The following CD59 variants were observed in gnomAD, a reference collection of about 807,000 sequenced individuals.
CD59 encodes CD59 molecule (CD59 blood group).
Under a neutral mutation model 7.0 loss-of-function variants are expected in CD59, and 3 were observed. That is an observed-to-expected ratio of 0.43 (90% confidence interval 0.19 to 1.10). The LOEUF is 1.10. Ranked by LOEUF, CD59 falls within the 50% of genes least tolerant of loss-of-function variation. The pLI is 0.29. For synonymous variants in CD59, 60 were observed against 62.0 expected (o/e 0.97, Z 0.15); for missense variants, 143 against 151.0 (o/e 0.95, Z 0.28).
intron 1 of CD59, among the ~76,000 whole-genome samples, chr11:33,734,275 AG>A (rs1309874025): frequency 8.5e-5 from 13 of 152,364 alleles, no homozygotes; most frequent in African/African-American, 3.1e-4. Flanking sequence ...AATCCAGCCA[AG>A]GTTCTCATGC....
intron 3 of CD59, 42 bp downstream of exon 3, chr11:33,717,327 AT>A (rs761949716): frequency 7.7e-7 from 1 of 1,296,144 alleles, no homozygotes; most frequent in Non-Finnish European, 1.1e-6. Flanking sequence ...CCAGGCACTT[AT>A]TACCCCATTA....
At chr11:33,735,927 A>AT (rs1343473082) in intron 1 of CD59, among the ~76,000 whole-genome samples, 1 of 149,494 alleles carries the variant, frequency 6.7e-6, no homozygotes, top group Non-Finnish European at 1.5e-5. Context: ...AAAAAAAAAA[A>AT]GTCCGTTTCG....
At chr11:33,716,617 G>A (rs1853803603) in intron 3 of CD59, among the ~76,000 whole-genome samples, 1 of 152,200 alleles carries the variant, frequency 6.6e-6, no homozygotes, top group Non-Finnish European at 1.5e-5. Context: ...TCTTTCCTCT[G>A]TCTACCACTT....
At chr11:33,735,976 G>A (rs1320660934) in intron 1 of CD59, among the ~76,000 whole-genome samples, 1 of 152,034 alleles carries the variant, frequency 6.6e-6, no homozygotes, top group East Asian at 1.9e-4. Context: ...TTTAGACCGC[G>A]AGGGGAGAGA....
At position 33,736,223 on chromosome 11, in the gene CD59, C is replaced by T. The variant is rs1854570837; in HGVS notation, c.-19+159G>A. Reference sequence around the variant, plus strand: ...CGGCTAGGACACCGGGCCGCGGTGACGGGTTGGAAGGGCCAGGCCTCGGGA... The same window carrying T: ...CGGCTAGGACACCGGGCCGCGGTGATGGGTTGGAAGGGCCAGGCCTCGGGA... On this transcript the variant is annotated intron_variant, in intron 1 of 3. Transcript: ENST00000642928. This position sits in a 1 kb window ranked among gnomAD's most constrained non-coding sequence, Gnocchi z 4.4. 6.6e-6 allele frequency among the ~76,000 whole-genome samples: 1 copy of T among 152,150 alleles called. No homozygotes were observed. The highest frequency in any genetic ancestry group is 6.5e-5 in the Admixed American group (1 of 15,282).
chr11:33,728,538 T>G (rs900397625), intron 1 of CD59, among the ~76,000 whole-genome samples: 1 of 152,196 alleles, frequency 6.6e-6, no homozygotes, highest in Non-Finnish European at 1.5e-5. Context: ...GATTAAAGAC[T>G]TAAATGTAAG....
chr11:33,714,150 T>C (rs117794834), intron 3 of CD59, among the ~76,000 whole-genome samples: 2,397 of 152,324 alleles, frequency 0.016, 37 homozygotes, highest in Non-Finnish European at 0.024. Flanking sequence ...TAGACTTACT[T>C]TGTATAGCAC....
chr11:33,728,744 A>C (rs1854329928), intron 1 of CD59, among the ~76,000 whole-genome samples: 1 of 152,242 alleles, frequency 6.6e-6, no homozygotes, highest in South Asian at 2.1e-4. Context: ...AACCTAAAGA[A>C]TGGGAGAAAA....
chr11:33,726,959 C>T (rs1854277741), intron 1 of CD59, among the ~76,000 whole-genome samples: 1 of 152,142 alleles, frequency 6.6e-6, no homozygotes, highest in South Asian at 2.1e-4. Context: ...ATACACCCTC[C>T]CAAGACTAAA....
intron 3 of CD59, among the ~76,000 whole-genome samples, chr11:33,711,054 G>T (rs966807701): frequency 9.2e-5 from 5 of 54,202 alleles, no homozygotes; most frequent in African/African-American, 5.0e-4. Flanking sequence ...AATAAAGGTG[G>T]GGGGGGGGCA....
rs1295127477 is a variant in CD59, at chr11:33,703,487, C to G, written c.*6639G>C. On this transcript the variant is annotated 3_prime_UTR_variant, in exon 4 of 4. Transcript: ENST00000642928. ...ACTCAAATGCCCCATTAAGTACCAT[C>G]CTGTTGGAGCTTCCTAACGCCCCTG... The G allele has an allele frequency of 2.6e-5, 4 of 152,246 alleles. No individual in the cohort carries two copies. The highest frequency in any genetic ancestry group is 9.6e-5 in the African/African-American group (4 of 41,454). The allele number at this position is 152,246 out of a possible 1,614,324, so 9.4% of individuals were successfully genotyped here. A position where few individuals can be genotyped will look rare whatever the true frequency, so the allele number is the denominator to read the frequency against.
intron 1 of CD59, among the ~76,000 whole-genome samples, chr11:33,732,036 T>C (rs1483969335): frequency 1.3e-5 from 2 of 152,166 alleles, no homozygotes. Context: ...GTTTCCCCTT[T>C]CACTTGGCTC....
rs1162135965 is a variant in CD59 at position 33,710,125 on chromosome 11, C to T, written c.*1G>A. The T allele has an allele frequency of 1.2e-6, 2 of 1,610,662 alleles. No homozygotes were observed. Among genetic ancestry groups the T allele is most frequent in the Non-Finnish European group, 1.7e-6 (2 of 1,177,908 alleles). On this transcript the variant is annotated 3_prime_UTR_variant, in exon 4 of 4. Transcript: ENST00000642928. ...TTGGGAGAAGCTCTCCTGGTGTTGACTTAGGGATGAAGGCTCCAGGCTGCT... is the reference window on the plus strand; with the variant it reads ...TTGGGAGAAGCTCTCCTGGTGTTGATTTAGGGATGAAGGCTCCAGGCTGCT...
In CD59 at chr11:33,717,465, C is replaced by T. The variant is rs547970318; in HGVS notation, c.74G>A (p.Ser25Asn). 1.2e-5 allele frequency: 20 copies of T among 1,602,370 alleles called. No homozygotes were observed. The South Asian group carries it at 1.8e-4, about 14-fold the overall frequency. ...GTTAGGACAGTTGTAGCACTGCAGGCTATGACCTAGAATCAGGAAGAAAGT... is the reference window on the plus strand; with the variant it reads ...GTTAGGACAGTTGTAGCACTGCAGGTTATGACCTAGAATCAGGAAGAAAGT... Reference protein sequence around the residue: ...VLAVFCHSGHSLQCYNCPNPT... With the variant: ...VLAVFCHSGHNLQCYNCPNPT... Residue 25 changes from serine to asparagine, a missense_variant, in exon 3 of 4, where the codon AGC becomes AAC. Transcript: ENST00000642928.
rs1220199912 is a variant in CD59, at chr11:33,707,090, T to C, written c.*3036A>G. ...ATATAAAACATAGAGCTTAGAATCCTGTACCAGAAAGCTGCCCTCATCACA... is the reference window on the plus strand; with the variant it reads ...ATATAAAACATAGAGCTTAGAATCCCGTACCAGAAAGCTGCCCTCATCACA... On this transcript the variant is annotated 3_prime_UTR_variant, in exon 4 of 4. Transcript: ENST00000642928. 2.6e-5 allele frequency: 4 copies of C among 152,252 alleles called. No individual in the cohort carries two copies. The highest frequency in any genetic ancestry group is 5.9e-5 in the Non-Finnish European group (4 of 68,050). The allele number at this position is 152,252 out of a possible 1,614,324, so 9.4% of individuals were successfully genotyped here. A position where few individuals can be genotyped will look rare whatever the true frequency, so the allele number is the denominator to read the frequency against.
intron 3 of CD59, chr11:33,711,613 G>A: frequency 1.8e-6 from 1 of 555,130 alleles, no homozygotes. Context: ...GGACTTTAAG[G>A]CTGCAGTGAG....
intron 1 of CD59, chr11:33,731,475 C>T (rs2231454): frequency 0.12 from 17,787 of 152,030 alleles, 1,374 homozygotes; most frequent in African/African-American, 0.21. Flanking sequence ...AAGACTAGGA[C>T]GAAAATAAAA....
intron 1 of CD59, among the ~76,000 whole-genome samples, chr11:33,728,159 G>T (rs932753311): frequency 2.0e-5 from 3 of 152,002 alleles, no homozygotes; most frequent in African/African-American, 4.8e-5. Context: ...TCACAGAATT[G>T]GAAAAAACTA....
rs139007446 is a variant in CD59, at chr11:33,716,700, G to A, written c.169+670C>T. On this transcript the variant is annotated intron_variant, in intron 3 of 3. Transcript: ENST00000642928. ...TAACAAATTTGGAAAATGCAGACTGGACAGGACTTGTGCATGTTAGCATTG... is the reference window on the plus strand; with the variant it reads ...TAACAAATTTGGAAAATGCAGACTGAACAGGACTTGTGCATGTTAGCATTG... 9.0e-3 allele frequency among the ~76,000 whole-genome samples: 1,368 copies of A among 152,248 alleles called. 13 individuals are homozygous for A. The highest frequency in any genetic ancestry group is 0.015 in the Non-Finnish European group (989 of 68,012).
Sources: gnomAD v4.1 joint callset for allele counts (sites outside exome capture counted in the v4.1 genomes callset) on GRCh38, gnomAD v4.1.1 for gene constraint, Gnocchi (gnomAD v3.1) non-coding constraint, MANE v1.5 for transcripts, NCBI Gene and HGNC (gene_info 2026-07-23, HGNC 2026-07-21) for gene names.